CFAP97D2: variants seen among roughly 807,000 people sequenced by gnomAD.
CFAP97D2 encodes the protein CFAP97 domain containing 2.
At chr13:114,188,856 A>G (rs1273337764) in intron 1 of CFAP97D2, among the ~76,000 whole-genome samples, 1 of 150,890 alleles carries the variant, frequency 6.6e-6, no homozygotes, top group Non-Finnish European at 1.5e-5. Flanking sequence ...ATTACAGCAG[A>G]AATCAATGAA....
At chr13:114,214,082 G>A (rs78354661) in intron 4 of CFAP97D2, 8,172 of 152,614 alleles carry the variant, frequency 0.054, 390 homozygotes, top group African/African-American at 0.13. Context: ...CCCCAACCCC[G>A]GACAAGTTCT....
intron 1 of CFAP97D2, among the ~76,000 whole-genome samples, chr13:114,183,123 A>C (rs1005081611): frequency 2.0e-5 from 3 of 152,158 alleles, no homozygotes; most frequent in Non-Finnish European, 4.4e-5. Flanking sequence ...CCCCTGTCTC[A>C]GTCCATTTCT....
chr13:114,180,637 A>G (rs1322641493), intron 1 of CFAP97D2, among the ~76,000 whole-genome samples: 3 of 152,310 alleles, frequency 2.0e-5, no homozygotes, highest in Admixed American at 6.5e-5. Flanking sequence ...GCCCACCACG[A>G]TGTTCTCTGC....
intron 1 of CFAP97D2, among the ~76,000 whole-genome samples, chr13:114,190,640 A>G (rs894951237): frequency 2.0e-5 from 3 of 152,244 alleles, no homozygotes; most frequent in African/African-American, 7.2e-5. Flanking sequence ...ATGTAAATAA[A>G]TGGAGAGATA....
At chr13:114,219,406 A>T (rs1277681537) in intron 4 of CFAP97D2, among the ~76,000 whole-genome samples, 1 of 152,146 alleles carries the variant, frequency 6.6e-6, no homozygotes, top group East Asian at 1.9e-4. Context: ...TTTCCTCAGC[A>T]AATGTCAAGA....
exon 3 of CFAP97D2, chr13:114,200,352 G>A (rs2080911817): frequency 2.5e-6 from 1 of 398,536 alleles, no homozygotes; most frequent in African/African-American, 2.1e-5. Flanking sequence ...CTCCGTCATC[G>A]AGAGGGACAA....
At chr13:114,209,208 G>T (rs2080955260) in intron 3 of CFAP97D2, among the ~76,000 whole-genome samples, 1 of 152,206 alleles carries the variant, frequency 6.6e-6, no homozygotes, top group South Asian at 2.1e-4. Context: ...ACTGCCATCT[G>T]GGCACCATCC....
intron 2 of CFAP97D2, among the ~76,000 whole-genome samples, chr13:114,198,467 C>G (rs1412646052): frequency 6.6e-6 from 1 of 152,252 alleles, no homozygotes; most frequent in Non-Finnish European, 1.5e-5. Context: ...ATATCTCTAT[C>G]TTTCTTAAAA....
At chr13:114,219,000 T>G (rs948654802) in intron 4 of CFAP97D2, among the ~76,000 whole-genome samples, 3 of 152,094 alleles carry the variant, frequency 2.0e-5, no homozygotes, top group East Asian at 3.9e-4. Context: ...CCAAAAGCAA[T>G]GGCAACAAAA....
chr13:114,180,341 C>G (rs2080827761), intron 1 of CFAP97D2, among the ~76,000 whole-genome samples: 1 of 152,182 alleles, frequency 6.6e-6, no homozygotes, highest in South Asian at 2.1e-4. Flanking sequence ...GTGGCCTGGG[C>G]TGCAGGTCAC....
At chr13:114,198,110 C>T (rs999975496) in intron 2 of CFAP97D2, among the ~76,000 whole-genome samples, 1 of 152,174 alleles carries the variant, frequency 6.6e-6, no homozygotes, top group Non-Finnish European at 1.5e-5. Context: ...GCCTCAGCCT[C>T]TCCAGTACCT....
At position 114,185,138 on chromosome 13, in the gene CFAP97D2, C is replaced by T. The variant is rs1265544380; in HGVS notation, c.90+5718C>T. Among the ~76,000 whole-genome samples the T allele has an allele frequency of 6.6e-6, 1 of 152,218 alleles. No homozygotes were observed. Among genetic ancestry groups the T allele is most frequent in the Non-Finnish European group, 1.5e-5 (1 of 68,034 alleles). On this transcript the variant is annotated intron_variant, in intron 1 of 4. Coordinates refer to ENST00000646158, the Ensembl canonical transcript of CFAP97D2. This position sits in a 1 kb window ranked among gnomAD's most constrained non-coding sequence, Gnocchi z 5.2. ...CTGCCCCAACCCTTGTGTGGCCAGG[C>T]AGGACCTGCTCCCAGGCCCAGGGCC...
intron 4 of CFAP97D2, among the ~76,000 whole-genome samples, chr13:114,221,095 A>G (rs1256462093): frequency 3.3e-5 from 5 of 152,214 alleles, no homozygotes; most frequent in Non-Finnish European, 7.3e-5. Context: ...AAAAATACAA[A>G]AATTAGCTGA....
intron 4 of CFAP97D2, among the ~76,000 whole-genome samples, chr13:114,212,647 A>G (rs1566616423): frequency 1.3e-5 from 2 of 152,218 alleles, no homozygotes; most frequent in African/African-American, 2.4e-5. Context: ...CAGGAGATGG[A>G]GACCATCCTG....
At position 114,214,775 on chromosome 13, in the gene CFAP97D2, T is replaced by C. The variant is rs1456981528; in HGVS notation, c.480+2674T>C. Among the ~76,000 whole-genome samples, 3 of 152,206 alleles carry C rather than the reference T, an allele frequency of 2.0e-5. No individual in the cohort carries two copies. In the East Asian group the frequency reaches 5.8e-4, roughly 29 times the overall value. Reference sequence around the variant, plus strand: ...CCATATTTGTTTGTTTAAACAAAAATGGAGTCCTACTCTACGTAGTTTTCT... The same window carrying C: ...CCATATTTGTTTGTTTAAACAAAAACGGAGTCCTACTCTACGTAGTTTTCT... On this transcript the variant is annotated intron_variant, in intron 4 of 4. Transcript: ENST00000646158.
At chr13:114,191,966 G>T (rs558825657) in intron 1 of CFAP97D2, among the ~76,000 whole-genome samples, 1 of 146,260 alleles carries the variant, frequency 6.8e-6, no homozygotes, top group African/African-American at 2.5e-5. Flanking sequence ...TAATTGAAAG[G>T]AGCCAATGCT....
At chr13:114,215,333 C>T (rs149484649) in intron 4 of CFAP97D2, among the ~76,000 whole-genome samples, 2 of 152,016 alleles carry the variant, frequency 1.3e-5, no homozygotes, top group East Asian at 3.9e-4. Flanking sequence ...CAATATTTAC[C>T]TTTTTTCTAT....
chr13:114,199,161 T>G (rs9562088), intron 2 of CFAP97D2, among the ~76,000 whole-genome samples: 69 of 20,348 alleles, frequency 3.4e-3, no homozygotes, highest in East Asian at 6.2e-3. Flanking sequence ...CGTCCCCGTG[T>G]GTACGGTCCC....
At chr13:114,206,996 CA>C (rs1255487595) in intron 3 of CFAP97D2, among the ~76,000 whole-genome samples, 20 of 152,232 alleles carry the variant, frequency 1.3e-4, no homozygotes, top group African/African-American at 4.8e-4. Context: ...GAAATGCCAA[CA>C]AAAAGGGACC....
Sources: gnomAD v4.1 joint callset for allele counts (sites outside exome capture counted in the v4.1 genomes callset) on GRCh38, gnomAD v4.1.1 for gene constraint, Gnocchi (gnomAD v3.1) non-coding constraint, MANE v1.5 for transcripts, NCBI Gene and HGNC (gene_info 2026-07-23, HGNC 2026-07-21) for gene names.